Variants in XPO4 observed in about 807,000 individuals in gnomAD.
XPO4 encodes exportin 4.
Under a neutral mutation model 143.0 loss-of-function variants are expected in XPO4, and 39 were observed. The observed-to-expected ratio is 0.27, with a 90% confidence interval of 0.21 to 0.36. The LOEUF (loss-of-function observed/expected upper bound fraction) is 0.36. Among genes scored for constraint, XPO4 ranks in the 10% least tolerant of loss-of-function variants. XPO4 has a pLI of 1.00. For missense variants in XPO4, 907 were observed against 1,348.0 expected (o/e 0.67, Z 5.12); for synonymous variants, 439 against 474.0 (o/e 0.93, Z 0.96).
At position 20,800,309 on chromosome 13, in the gene XPO4, C is replaced by T; in HGVS notation, c.1994G>A (p.Ser665Asn). 3.1e-6 allele frequency: 5 copies of T among 1,613,406 alleles called. No individual in the cohort carries two copies. Among genetic ancestry groups the T allele is most frequent in the Non-Finnish European group, 4.2e-6 (5 of 1,179,756 alleles). The change falls in exon 15 of 23, where the codon AGT (serine) becomes AAT (asparagine). Residue 665 changes from serine (S) to asparagine (N), a missense_variant. Transcript: ENST00000255305. ...KLYDQISLPF[S>N]TAFGADTEGS... ...CTCTGTATCTGCTCCGAACGCTGTA[C>T]TGAATGGCAGACTTATCTTAAGAGA...
In XPO4 at chr13:20,855,915, G is replaced by A. The variant is rs965452702; in HGVS notation, c.318-150C>T. ...GGTTATGTACAGACTCCAAAGCCAGGAGGCCTGGGTTCAAACCCAGGCTCC... is the reference window on the plus strand; with the variant it reads ...GGTTATGTACAGACTCCAAAGCCAGAAGGCCTGGGTTCAAACCCAGGCTCC... On this transcript the variant is annotated intron_variant, in intron 3 of 22. Coordinates refer to ENST00000255305, the MANE Select transcript of XPO4 (RefSeq NM_022459.5). The A allele has an allele frequency of 4.9e-6, 4 of 822,996 alleles. No homozygotes were observed. The African/African-American group carries it at 7.0e-5, about 14-fold the overall frequency. The allele number at this position is 822,996 out of a possible 1,614,324, so 51.0% of individuals were successfully genotyped here.
At chr13:20,894,721 T>TAA (rs2060551112) in intron 1 of XPO4, among the ~76,000 whole-genome samples, 1 of 151,612 alleles carries the variant, frequency 6.6e-6, no homozygotes, top group Non-Finnish European at 1.5e-5. Context: ...CAGGCACCTG[T>TAA]AAATCCCAGC....
chr13:20,889,882 G>C (rs7988592), intron 1 of XPO4, among the ~76,000 whole-genome samples: 124,984 of 152,050 alleles, frequency 0.82, 51,522 homozygotes, highest in East Asian at 1. Flanking sequence ...CTGTTTTGAT[G>C]ACTCTAATTG....
chr13:20,851,711 C>CAAAAAAAAAAAAAAAAAAA (rs11340357), intron 4 of XPO4: 2 of 681,864 alleles, frequency 2.9e-6, no homozygotes, highest in Non-Finnish European at 3.5e-6. Context: ...CCCGGTCTCA[C>CAAAAAAAAAAAAAAAAAAA]AAAAAAAAAA....
chr13:20,875,750 A>G (rs2060344869), intron 1 of XPO4, among the ~76,000 whole-genome samples: 1 of 152,160 alleles, frequency 6.6e-6, no homozygotes, highest in Admixed American at 6.5e-5. Flanking sequence ...TTCTAATCCC[A>G]TTTCTGTAGC....
chr13:20,820,904 T>C lies in XPO4; in HGVS notation c.1173+800A>G, dbSNP rs529842179. On this transcript the variant is annotated intron_variant, in intron 9 of 22. Coordinates refer to ENST00000255305, the MANE Select transcript of XPO4 (RefSeq NM_022459.5). Reference sequence around the variant, plus strand: ...CAAAATATCTACATTCTTTTTCCTCTTACAGCCTTTCAGAAAGATTCACAT... The same window carrying C: ...CAAAATATCTACATTCTTTTTCCTCCTACAGCCTTTCAGAAAGATTCACAT... 2.0e-5 allele frequency among the ~76,000 whole-genome samples: 3 copies of C among 152,306 alleles called. No individual in the cohort carries two copies. In the East Asian group the frequency reaches 5.8e-4, roughly 29 times the overall value.
At chr13:20,856,906 A>G (rs1191354826) in intron 3 of XPO4, 5 of 985,268 alleles carry the variant, frequency 5.1e-6, no homozygotes, top group African/African-American at 3.5e-5. Flanking sequence ...ATGACAGGAC[A>G]TATCTGTTAC....
intron 18 of XPO4, among the ~76,000 whole-genome samples, chr13:20,792,724 A>C (rs1177818876): frequency 4.4e-4 from 8 of 18,330 alleles, no homozygotes; most frequent in African/African-American, 9.0e-4. Flanking sequence ...TCTGTCTCAC[A>C]AAAAAAAAAA....
intron 1 of XPO4, among the ~76,000 whole-genome samples, chr13:20,877,214 AAAGT>A (rs1476627870): frequency 6.6e-6 from 1 of 152,214 alleles, no homozygotes. Context: ...AACATTCACA[AAAGT>A]AAGTAAAAGA....
intron 3 of XPO4, chr13:20,859,804 A>T: frequency 1.1e-6 from 1 of 933,926 alleles, no homozygotes; most frequent in Non-Finnish European, 1.3e-6. Flanking sequence ...AAAAAGAACA[A>T]ATAAAAAGGA....
chr13:20,783,973 A>G, intron 22 of XPO4, 54 bp from the exon 23 acceptor site: 1 of 1,553,112 alleles, frequency 6.4e-7, no homozygotes, highest in Non-Finnish European at 8.9e-7. Context: ...TCATACAAGT[A>G]GATCTTATCA....
chr13:20,829,668 A>G (rs1429435985), intron 6 of XPO4, among the ~76,000 whole-genome samples: 15 of 152,170 alleles, frequency 9.9e-5, no homozygotes, highest in African/African-American at 2.7e-4. Flanking sequence ...CATATTTATA[A>G]ATTTTGCTAC....
rs776904944 is a variant in XPO4, at chr13:20,827,129, T to C, written c.778A>G (p.Lys260Glu). Residue 260 changes from lysine to glutamate, a missense_variant, in exon 7 of 23, where the codon AAG becomes GAG. Physicochemically the swap from Lys to Glu is moderately conservative, Grantham distance 56 (BLOSUM62 1). Transcript: ENST00000255305. ...MFESSQNVLL[K>E]PTESWRETLL... ...GTCTCCCGCCAGGACTCTGTTGGCT[T>C]CAACAGCACATTTTGCGAGGATTCA... 6.2e-7 allele frequency: 1 copy of C among 1,614,038 alleles called. No homozygotes were observed. Among genetic ancestry groups the C allele is most frequent in the Non-Finnish European group, 8.5e-7 (1 of 1,179,894 alleles).
chr13:20,841,978 A>G (rs1422098831), intron 6 of XPO4, among the ~76,000 whole-genome samples: 1 of 152,172 alleles, frequency 6.6e-6, no homozygotes, highest in Non-Finnish European at 1.5e-5. Context: ...TCAACAAAGA[A>G]GAGTATAAAA....
At position 20,796,827 on chromosome 13, in the gene XPO4, A is replaced by G; in HGVS notation, c.2553T>C (p.Thr851=). The G allele has an allele frequency of 3.7e-6, 6 of 1,614,072 alleles. No homozygotes were observed. The highest frequency in any genetic ancestry group is 5.1e-6 in the Non-Finnish European group (6 of 1,179,968). ...LMEVYKNTPE[T]VNLIIEVFVE... Reference sequence around the variant, plus strand: ...CAAAAACTTCTATAATGAGATTGACAGTCTCTGGGGTATTCTTGTAAACTT... The same window carrying G: ...CAAAAACTTCTATAATGAGATTGACGGTCTCTGGGGTATTCTTGTAAACTT... Residue 851 remains threonine, a synonymous_variant, in exon 17 of 23, where the codon ACT becomes ACC. Coordinates refer to ENST00000255305, the MANE Select transcript of XPO4 (RefSeq NM_022459.5).
At chr13:20,840,400 G>A (rs1364816988) in intron 6 of XPO4, among the ~76,000 whole-genome samples, 1 of 151,860 alleles carries the variant, frequency 6.6e-6, no homozygotes, top group Non-Finnish European at 1.5e-5. Flanking sequence ...TAGAGATAGG[G>A]TTGTGCTATG....
chr13:20,851,309 T>C, intron 4 of XPO4: 2 of 985,286 alleles, frequency 2.0e-6, no homozygotes, highest in Non-Finnish European at 2.4e-6. Context: ...TTAATGTTTT[T>C]AATGTAGTCA....
intron 2 of XPO4, 110 bp from the exon 3 acceptor site, chr13:20,862,968 C>A: frequency 1.3e-6 from 2 of 1,520,886 alleles, no homozygotes; most frequent in Non-Finnish European, 1.8e-6. Context: ...AAGATGGTTA[C>A]CTGTTCTTTT....
intron 6 of XPO4, among the ~76,000 whole-genome samples, chr13:20,832,732 T>C (rs1420714849): frequency 6.6e-6 from 1 of 152,190 alleles, no homozygotes; most frequent in South Asian, 2.1e-4. Context: ...CCCAGTCTTA[T>C]AGACAACACA....
Sources: gnomAD v4.1 joint callset for allele counts (sites outside exome capture counted in the v4.1 genomes callset) on GRCh38, gnomAD v4.1.1 for gene constraint, MANE v1.5 for transcripts, NCBI Gene and HGNC (gene_info 2026-07-23, HGNC 2026-07-21) for gene names.